Variants in BCAS1 observed in about 807,000 individuals in gnomAD.
The protein encoded by BCAS1 is brain enriched myelin associated protein 1.
In BCAS1, 46 loss-of-function variants were observed where a neutral mutation model predicts 65.4. The ratio of observed to expected loss-of-function variants is 0.70; its 90% CI spans 0.55 to 0.90. The LOEUF (loss-of-function observed/expected upper bound fraction) is 0.90, where lower values mean the gene tolerates loss of function less well. Among genes scored for constraint, BCAS1 ranks in the 40% least tolerant of loss-of-function variants. BCAS1 has a pLI of 0.00. For missense variants in BCAS1, 793 were observed against 771.2 expected (o/e 1.03, Z -0.33); for synonymous variants, 298 against 293.5 (o/e 1.02, Z -0.16).
chr20:54,006,709 CAAA>C lies in BCAS1; in HGVS notation c.724-10662_724-10660del, dbSNP rs762645740. On this transcript the variant is annotated intron_variant, in intron 4 of 12. Coordinates refer to ENST00000688948, the MANE Select transcript of BCAS1 (RefSeq NM_001366298.2). ...TGGGCGACAGAGTGAGACTCCATCT[CAAA>C]AAAAAAAAAAAAAAAGTTGGATTGA... 2.0e-3 allele frequency among the ~76,000 whole-genome samples: 189 copies of C among 93,646 alleles called. 1 individual carries two copies. The highest frequency in any genetic ancestry group is 5.4e-3 in the African/African-American group (171 of 31,426). 61.4% of individuals were successfully genotyped at this position (93,646 alleles called of 152,430 possible). A position where few individuals can be genotyped will look rare whatever the true frequency, so the allele number is the denominator to read the frequency against.
At chr20:54,009,720 A>G (rs2091280653) in intron 4 of BCAS1, among the ~76,000 whole-genome samples, 1 of 152,186 alleles carries the variant, frequency 6.6e-6, no homozygotes, top group South Asian at 2.1e-4. Flanking sequence ...TATTTTATAA[A>G]GATAGTTACC....
chr20:53,983,219 T>C (rs2090525085), intron 8 of BCAS1, among the ~76,000 whole-genome samples: 1 of 150,780 alleles, frequency 6.6e-6, no homozygotes, highest in African/African-American at 2.4e-5. Flanking sequence ...CTGGACAGTA[T>C]AGAAAGATAA....
At chr20:54,025,653 G>T (rs2091656046) in intron 4 of BCAS1, among the ~76,000 whole-genome samples, 5 of 152,118 alleles carry the variant, frequency 3.3e-5, no homozygotes, top group African/African-American at 1.2e-4. Flanking sequence ...AAAATGGGGG[G>T]AAGGGCTGCT....
At chr20:54,039,211 T>C (rs548388450) in intron 3 of BCAS1, among the ~76,000 whole-genome samples, 27 of 151,650 alleles carry the variant, frequency 1.8e-4, no homozygotes, top group African/African-American at 6.5e-4. Context: ...CAGATACTTA[T>C]GACTTGGAGG....
At position 54,028,770 on chromosome 20, in the gene BCAS1, G is replaced by A. The variant is rs199643719; in HGVS notation, c.345C>T (p.Ser115=). Residue 115 remains serine (S), a synonymous_variant, in exon 4 of 13, where the codon TCC becomes TCT. Transcript: ENST00000688948. ...GRTGDQAADS[S]LGSVKLDVSS... ...TGACATCAAGCTTCACTGATCCAAGGGATGAATCTGCGGCTTGGTCTCCGG... is the reference window on the plus strand; with the variant it reads ...TGACATCAAGCTTCACTGATCCAAGAGATGAATCTGCGGCTTGGTCTCCGG... 8.1e-6 allele frequency: 13 copies of A among 1,614,072 alleles called. No homozygotes were observed. In the African/African-American group the frequency reaches 1.6e-4, roughly 20 times the overall value.
chr20:53,945,465 C>T (rs1000287643), intron 12 of BCAS1, among the ~76,000 whole-genome samples: 1 of 151,978 alleles, frequency 6.6e-6, no homozygotes, highest in Non-Finnish European at 1.5e-5. Flanking sequence ...AGGTTTGTTA[C>T]ATATGTATAC....
chr20:54,060,870 T>C (rs573161564), intron 1 of BCAS1, among the ~76,000 whole-genome samples: 13 of 152,332 alleles, frequency 8.5e-5, no homozygotes, highest in African/African-American at 3.1e-4. Flanking sequence ...TTGCATTTAC[T>C]GGGAGCTTAA....
rs145253257 is a variant in BCAS1 at position 53,970,394 on chromosome 20, C to T, written c.1318-3321G>A. 7.3e-3 allele frequency among the ~76,000 whole-genome samples: 1,106 copies of T among 152,316 alleles called. 11 individuals are homozygous for T. The highest frequency in any genetic ancestry group is 0.042 in the South Asian group (202 of 4,826). Reference sequence around the variant, plus strand: ...TGACATCCAGTGTGGAAATCCAGAACAATCTTGGCTAAATAAGGATCTGAT... The same window carrying T: ...TGACATCCAGTGTGGAAATCCAGAATAATCTTGGCTAAATAAGGATCTGAT... On this transcript the variant is annotated intron_variant, in intron 9 of 12. Coordinates refer to ENST00000688948, the MANE Select transcript of BCAS1 (RefSeq NM_001366298.2).
intron 3 of BCAS1, among the ~76,000 whole-genome samples, chr20:54,046,843 C>A (rs144879886): frequency 0.01 from 1,228 of 117,166 alleles, 1 homozygote; most frequent in Non-Finnish European, 0.011. Flanking sequence ...GACTCTGTCT[C>A]AAAAAAAAAA....
chr20:53,974,586 C>T (rs1307981176), intron 9 of BCAS1, among the ~76,000 whole-genome samples: 1 of 152,116 alleles, frequency 6.6e-6, no homozygotes, highest in Non-Finnish European at 1.5e-5. Flanking sequence ...ATAAGGGACA[C>T]CCAGAACAAG....
chr20:54,058,836 C>A, intron 1 of BCAS1, 113 bp from the exon 2 acceptor site: 1 of 1,200,582 alleles, frequency 8.3e-7, no homozygotes, highest in South Asian at 1.4e-5. Context: ...TTATCATCAG[C>A]TGAGATCAGA....
chr20:54,054,299 G>T (rs2092263993), intron 3 of BCAS1, among the ~76,000 whole-genome samples: 1 of 151,976 alleles, frequency 6.6e-6, no homozygotes, highest in South Asian at 2.1e-4. Context: ...TTGTAAGTAG[G>T]AAAAGTATAG....
At chr20:53,949,625 C>T (rs904090896) in intron 12 of BCAS1, among the ~76,000 whole-genome samples, 16 of 152,216 alleles carry the variant, frequency 1.1e-4, no homozygotes. Flanking sequence ...TGGAAAGCGG[C>T]AGGGAAGCCC....
At chr20:53,968,309 T>C (rs986846533) in intron 9 of BCAS1, among the ~76,000 whole-genome samples, 2 of 152,196 alleles carry the variant, frequency 1.3e-5, no homozygotes, top group East Asian at 3.9e-4. Context: ...GAAAGTACCA[T>C]AGAGTCAAAG....
In BCAS1 at chr20:53,966,940, G is replaced by A. The variant is rs773196382; in HGVS notation, c.1451C>T (p.Pro484Leu). The change falls in exon 10 of 13, where the codon CCA (proline) becomes CTA (leucine). Residue 484 changes from proline to leucine, a missense_variant. Physicochemically the swap from Pro to Leu is moderately conservative, Grantham distance 98. Coordinates refer to ENST00000688948, the MANE Select transcript of BCAS1 (RefSeq NM_001366298.2). ...GAGAAACGCCATCAGAGAGGTTCTT[G>A]GTTTGCTTTCTTCTCTTTTGAGTTT... ...EAKLKREESKPRTSLMAFLRQ... is the reference protein window; with the variant it reads ...EAKLKREESKLRTSLMAFLRQ... 2.2e-5 allele frequency: 36 copies of A among 1,612,790 alleles called. No individual in the cohort carries two copies. In the South Asian group the frequency reaches 3.9e-4, roughly 17 times the overall value.
At chr20:53,998,085 C>T (rs1023356551) in intron 4 of BCAS1, among the ~76,000 whole-genome samples, 4 of 152,108 alleles carry the variant, frequency 2.6e-5, no homozygotes, top group Admixed American at 6.5e-5. Flanking sequence ...CCACAGAAGA[C>T]TTGGTATTTC....
At chr20:53,955,888 T>C (rs2089682798) in intron 11 of BCAS1, among the ~76,000 whole-genome samples, 2 of 152,140 alleles carry the variant, frequency 1.3e-5, no homozygotes, top group African/African-American at 4.8e-5. Context: ...CCAGACAAAA[T>C]ATACCATCAT....
At chr20:54,041,971 C>T (rs1490142171) in intron 3 of BCAS1, among the ~76,000 whole-genome samples, 1 of 147,922 alleles carries the variant, frequency 6.8e-6, no homozygotes, top group East Asian at 2.0e-4. Flanking sequence ...GTAATTTGGC[C>T]ACTTCTTTGG....
chr20:54,049,209 C>CT (rs1168311540), intron 3 of BCAS1, among the ~76,000 whole-genome samples: 6 of 152,030 alleles, frequency 3.9e-5, no homozygotes, highest in Admixed American at 6.6e-5. Flanking sequence ...CCACTTACAT[C>CT]TTTTTTTTAA....
Sources: gnomAD v4.1 joint callset for allele counts (sites outside exome capture counted in the v4.1 genomes callset) on GRCh38, gnomAD v4.1.1 for gene constraint, MANE v1.5 for transcripts, NCBI Gene and HGNC (gene_info 2026-07-23, HGNC 2026-07-21) for gene names.